GRXCR1: variants seen among roughly 807,000 people sequenced by gnomAD.
The protein encoded by GRXCR1 is glutaredoxin and cysteine rich domain containing 1, also known as glutaredoxin domain-containing cysteine-rich protein 1.
A neutral mutation model predicts 27.3 loss-of-function variants in GRXCR1; 27 were observed. The ratio of observed to expected loss-of-function variants is 0.99; its 90% CI spans 0.73 to 1.37. The LOEUF is 1.37. Ranked by LOEUF, GRXCR1 falls within the 40% of genes most tolerant of loss-of-function variation. The pLI is 0.00. For synonymous variants in GRXCR1, 122 were observed against 131.1 expected (o/e 0.93, Z 0.47); for missense variants, 379 against 354.4 (o/e 1.07, Z -0.56).
At chr4:42,995,094 A>G (rs1483563701) in intron 2 of GRXCR1, among the ~76,000 whole-genome samples, 3 of 152,132 alleles carry the variant, frequency 2.0e-5, no homozygotes, top group East Asian at 3.8e-4. Context: ...CTTAGTCTAT[A>G]TACATAAACT....
chr4:42,893,243 C>T lies in GRXCR1; in HGVS notation c.-24C>T, dbSNP rs1746272244. 6.2e-7 allele frequency: 1 copy of T among 1,613,148 alleles called. No homozygotes were observed. Among genetic ancestry groups the T allele is most frequent in the Middle Eastern group, 1.7e-4 (1 of 5,850 alleles). On this transcript the variant is annotated 5_prime_UTR_variant, in exon 1 of 4. Transcript: ENST00000399770. Reference sequence around the variant, plus strand: ...AACAACGGGTCCAGAATGCTGTAAACTGTTCATATGGGTGGAGGTGACCAT... The same window carrying T: ...AACAACGGGTCCAGAATGCTGTAAATTGTTCATATGGGTGGAGGTGACCAT...
At chr4:43,016,286 G>T (rs1712929229) in intron 2 of GRXCR1, among the ~76,000 whole-genome samples, 1 of 152,108 alleles carries the variant, frequency 6.6e-6, no homozygotes. Context: ...GGAGGGAAAT[G>T]GTGACTACGA....
At chr4:42,939,521 A>G (rs1355144475) in intron 1 of GRXCR1, among the ~76,000 whole-genome samples, 1 of 152,040 alleles carries the variant, frequency 6.6e-6, no homozygotes, top group Admixed American at 6.6e-5. Context: ...TGCTTTAGCT[A>G]GGACTCCCAG....
intron 2 of GRXCR1, among the ~76,000 whole-genome samples, chr4:42,985,274 C>T (rs1711678976): frequency 6.6e-6 from 1 of 152,048 alleles, no homozygotes; most frequent in African/African-American, 2.4e-5. Flanking sequence ...AAACCACTAA[C>T]CATTCTTAAT....
At chr4:43,010,635 A>T (rs1216675160) in intron 2 of GRXCR1, among the ~76,000 whole-genome samples, 1 of 152,094 alleles carries the variant, frequency 6.6e-6, no homozygotes, top group Admixed American at 6.6e-5. Flanking sequence ...TTCTCTCTTA[A>T]TTATTAATAG....
chr4:42,956,351 G>A (rs540076148), intron 1 of GRXCR1, among the ~76,000 whole-genome samples: 1 of 152,224 alleles, frequency 6.6e-6, no homozygotes, highest in South Asian at 2.1e-4. Flanking sequence ...CTCAGGAAGG[G>A]AGAAGAGGGA....
At position 42,904,045 on chromosome 4, in the gene GRXCR1, G is replaced by T. The variant is rs557962302; in HGVS notation, c.384+10395G>T. 7.2e-5 allele frequency among the ~76,000 whole-genome samples: 11 copies of T among 152,278 alleles called. No homozygotes were observed. The South Asian group carries it at 2.1e-3, about 29-fold the overall frequency. ...TAAAAGTGGCTCTTGGATCCTCCAT[G>T]TAGGAATGGACAGGGAGTTCTGTAC... On this transcript the variant is annotated intron_variant, in intron 1 of 3. Coordinates refer to ENST00000399770, the MANE Select transcript of GRXCR1 (RefSeq NM_001080476.3).
At chr4:43,008,882 A>T (rs749485904) in intron 2 of GRXCR1, among the ~76,000 whole-genome samples, 2 of 152,248 alleles carry the variant, frequency 1.3e-5, no homozygotes, top group African/African-American at 4.8e-5. Context: ...TGCAGTGAAG[A>T]TTAAATAAAT....
Position 42,911,068 on chromosome 4 carries a change from C to T in GRXCR1, c.384+17418C>T, listed in dbSNP as rs576819498. On this transcript the variant is annotated intron_variant, in intron 1 of 3. Transcript: ENST00000399770. The stretch of plus-strand genomic sequence containing the variant: ...ATCTGTTTACTACCCAGCTTCCCCA[C>T]ATGTCTGTGAGGGACTGTATTTTTT... 3.3e-5 allele frequency among the ~76,000 whole-genome samples: 5 copies of T among 152,280 alleles called. No homozygotes were observed. The South Asian group carries it at 8.3e-4, about 25-fold the overall frequency.
chr4:42,932,619 T>TATATATAGAG (rs1249820617), intron 1 of GRXCR1, among the ~76,000 whole-genome samples: 1 of 22,920 alleles, frequency 4.4e-5, no homozygotes, highest in African/African-American at 1.7e-4. Flanking sequence ...TATATATATA[T>TATATATAGAG]AGAGAGAGAG....
intron 1 of GRXCR1, among the ~76,000 whole-genome samples, chr4:42,907,580 C>G (rs1165356381): frequency 6.6e-6 from 1 of 152,190 alleles, no homozygotes; most frequent in Non-Finnish European, 1.5e-5. Context: ...TACTTGCTGA[C>G]TCACTGCTAG....
chr4:42,972,829 A>G (rs1748421141), intron 2 of GRXCR1, among the ~76,000 whole-genome samples: 1 of 152,130 alleles, frequency 6.6e-6, no homozygotes, highest in South Asian at 2.1e-4. Flanking sequence ...CAAAGTTCTA[A>G]TCAATTGACA....
At chr4:42,909,824 G>C (rs746186001) in intron 1 of GRXCR1, among the ~76,000 whole-genome samples, 1 of 152,038 alleles carries the variant, frequency 6.6e-6, no homozygotes, top group East Asian at 1.9e-4. Context: ...TCTTAATCTG[G>C]TGTATTAGCC....
chr4:43,030,602 T>C lies in GRXCR1; in HGVS notation c.*62T>C. ...ATCAAAGGCAATACTTTGGTTTATA[T>C]ATATATTTTTAAATGGTTATGTTTA... On this transcript the variant is annotated 3_prime_UTR_variant, in exon 4 of 4. Coordinates refer to ENST00000399770, the MANE Select transcript of GRXCR1 (RefSeq NM_001080476.3). The C allele has an allele frequency of 2.4e-6, 3 of 1,239,756 alleles. No homozygotes were observed. The highest frequency in any genetic ancestry group is 3.5e-6 in the Non-Finnish European group (3 of 848,780). The allele number at this position is 1,239,756 out of a possible 1,614,324, so 76.8% of individuals were successfully genotyped here.
chr4:42,924,500 GA>G (rs1747099076), intron 1 of GRXCR1, among the ~76,000 whole-genome samples: 1 of 152,020 alleles, frequency 6.6e-6, no homozygotes, highest in African/African-American at 2.4e-5. Flanking sequence ...AAGAAGCAAT[GA>G]AAACTGTCTT....
intron 2 of GRXCR1, among the ~76,000 whole-genome samples, chr4:42,964,493 A>G (rs1479222568): frequency 6.6e-6 from 1 of 152,054 alleles, no homozygotes; most frequent in Non-Finnish European, 1.5e-5. Context: ...GAGAATATTG[A>G]GCTAATACAT....
rs185323256 is a variant in GRXCR1, at chr4:42,923,481, A to G, written c.384+29831A>G. Among the ~76,000 whole-genome samples the G allele has an allele frequency of 5.9e-5, 9 of 152,246 alleles. No homozygotes were observed. The East Asian group carries it at 1.6e-3, about 26-fold the overall frequency. ...AGGAGGTAACTTTGCCAGTTAAAAA[A>G]ATGGACTATTTATCCAAATGTTTAC... On this transcript the variant is annotated intron_variant, in intron 1 of 3. Coordinates refer to ENST00000399770, the MANE Select transcript of GRXCR1 (RefSeq NM_001080476.3).
At position 42,976,064 on chromosome 4, in the gene GRXCR1, T is replaced by C. The variant is rs186761732; in HGVS notation, c.627+12930T>C. The stretch of plus-strand genomic sequence containing the variant: ...TGTCACATTTACCCATGACTTTGCC[T>C]CTTTGAGTTTTGCCTGCTGTAATTC... On this transcript the variant is annotated intron_variant, in intron 2 of 3. Transcript: ENST00000399770. 5.8e-3 allele frequency among the ~76,000 whole-genome samples: 888 copies of C among 152,280 alleles called. 4 individuals are homozygous for C. Among genetic ancestry groups the C allele is most frequent in the Middle Eastern group, 0.017 (5 of 294 alleles).
chr4:42,973,074 C>G (rs1748425758), intron 2 of GRXCR1, among the ~76,000 whole-genome samples: 1 of 152,064 alleles, frequency 6.6e-6, no homozygotes, highest in East Asian at 1.9e-4. Flanking sequence ...TTTCACTTGT[C>G]TCCTTACCTT....
Sources: allele counts gnomAD v4.1 joint callset (sites outside exome capture counted in the v4.1 genomes callset), GRCh38; gene constraint gnomAD v4.1.1; transcripts MANE v1.5; gene names NCBI Gene and HGNC (gene_info 2026-07-23, HGNC 2026-07-21).